PIK3CB: variants seen among roughly 807,000 people sequenced by gnomAD.
PIK3CB encodes the protein phosphatidylinositol 4,5-bisphosphate 3-kinase catalytic subunit beta isoform.
PIK3CB carries 39 observed loss-of-function variants against 136.8 expected under a neutral mutation model. The ratio of observed to expected loss-of-function variants is 0.29; its 90% CI spans 0.22 to 0.37. The LOEUF is 0.37. Ranked by LOEUF, PIK3CB falls within the 10% of genes least tolerant of loss-of-function variation. The probability of loss-of-function intolerance (pLI) is 1.00; values close to 1 mark genes in which losing one functional copy is unlikely to be tolerated. For synonymous variants in PIK3CB, 428 were observed against 436.6 expected, an observed-to-expected ratio of 0.98 and a Z score of 0.25; for missense variants, 868 against 1,275.4, an observed-to-expected ratio of 0.68 and a Z score of 4.87.
At chr3:138,656,863 C>G (rs2043200626) in intron 22 of PIK3CB, among the ~76,000 whole-genome samples, 1 of 152,102 alleles carries the variant, frequency 6.6e-6, no homozygotes, top group Admixed American at 6.6e-5. Flanking sequence ...TTCTGCCTCC[C>G]AGGTTCAAGC....
intron 8 of PIK3CB, among the ~76,000 whole-genome samples, chr3:138,723,174 A>G (rs1344674907): frequency 6.6e-6 from 1 of 152,204 alleles, no homozygotes; most frequent in African/African-American, 2.4e-5. Context: ...GAAATTTTAT[A>G]AAAATTGTCC....
chr3:138,785,519 C>T (rs1203463921), intron 2 of PIK3CB, among the ~76,000 whole-genome samples: 1 of 152,048 alleles, frequency 6.6e-6, no homozygotes, highest in African/African-American at 2.4e-5. Flanking sequence ...AACCTTACCC[C>T]CAACCCCATG....
At position 138,758,502 on chromosome 3, in the gene PIK3CB, A is replaced by G. The variant is rs570379241; in HGVS notation, c.171+671T>C. Among the ~76,000 whole-genome samples the G allele has an allele frequency of 2.0e-4, 31 of 152,352 alleles. 1 individual carries two copies. In the South Asian group the frequency reaches 6.4e-3, roughly 32 times the overall value. On this transcript the variant is annotated intron_variant, in intron 3 of 23. Transcript: ENST00000674063. ...TAGGTGCACCATGCATGAGCGTATG[A>G]GATGCTTAAGTCAATTCTGTATTTT...
At chr3:138,676,620 A>G (rs2043649617) in intron 19 of PIK3CB, among the ~76,000 whole-genome samples, 1 of 152,368 alleles carries the variant, frequency 6.6e-6, no homozygotes, top group African/African-American at 2.4e-5. Context: ...TAACTGATGT[A>G]TGGATAAATA....
At chr3:138,728,101 G>A (rs1315867593) in intron 8 of PIK3CB, among the ~76,000 whole-genome samples, 1 of 152,118 alleles carries the variant, frequency 6.6e-6, no homozygotes, top group Non-Finnish European at 1.5e-5. Flanking sequence ...CATGAGCCAC[G>A]ACTCCTGGCT....
chr3:138,825,631 G>A lies in PIK3CB; in HGVS notation c.-122+9064C>T, dbSNP rs573245856. 16 of 625,208 alleles carry A rather than the reference G, an allele frequency of 2.6e-5. No homozygotes were observed. The South Asian group carries it at 2.9e-4, about 12-fold the overall frequency. The allele number at this position is 625,208 out of a possible 1,614,324, so 38.7% of individuals were successfully genotyped here. ...CAATGCCAGGGGAACCATGCTACTC[G>A]AAGCTCTGGACTGCATCCTACCACT... On this transcript the variant is annotated intron_variant, in intron 1 of 23. Coordinates refer to ENST00000674063, the MANE Select transcript of PIK3CB (RefSeq NM_006219.3).
At chr3:138,712,583 T>C (rs116133393) in intron 9 of PIK3CB, among the ~76,000 whole-genome samples, 2,665 of 151,982 alleles carry the variant, frequency 0.018, 32 homozygotes, top group Middle Eastern at 0.034. Context: ...TTTTTTTTTT[T>C]TTTGAGATGG....
At chr3:138,675,347 TG>T (rs1315955355) in intron 19 of PIK3CB, among the ~76,000 whole-genome samples, 1 of 151,736 alleles carries the variant, frequency 6.6e-6, no homozygotes, top group Non-Finnish European at 1.5e-5. Flanking sequence ...AAGCAATAAA[TG>T]CATAATGGCG....
intron 21 of PIK3CB, among the ~76,000 whole-genome samples, chr3:138,663,113 T>A (rs1392193559): frequency 6.6e-6 from 1 of 151,782 alleles, no homozygotes; most frequent in Admixed American, 6.6e-5. Flanking sequence ...ACCATCAGAG[T>A]GAACAGGCAA....
At chr3:138,693,951 A>ATATATATATATATAT (rs201624363) in intron 14 of PIK3CB, among the ~76,000 whole-genome samples, 1 of 39,376 alleles carries the variant, frequency 2.5e-5, no homozygotes, top group Non-Finnish European at 4.0e-5. Context: ...ATATATATAT[A>ATATATATATATATAT]TATATATATA....
In PIK3CB at chr3:138,712,305, C is replaced by A. The variant is rs2108576564; in HGVS notation, c.1303-1G>T. Reference sequence around the variant, plus strand: ...TATTTACCCACGCTACAGGATAATGCTGTTGAAAAAGATACCATTGCATAA... The same window carrying A: ...TATTTACCCACGCTACAGGATAATGATGTTGAAAAAGATACCATTGCATAA... On this transcript the variant is annotated splice_acceptor_variant, in intron 9 of 23. Coordinates refer to ENST00000674063, the MANE Select transcript of PIK3CB (RefSeq NM_006219.3). LOFTEE classifies it high-confidence loss of function. The A allele has an allele frequency of 6.7e-7, 1 of 1,486,242 alleles. No individual in the cohort carries two copies. The highest frequency in any genetic ancestry group is 9.2e-7 in the Non-Finnish European group (1 of 1,091,568). 92.1% of individuals were successfully genotyped at this position (1,486,242 alleles called of 1,614,324 possible).
At position 138,742,927 on chromosome 3, in the gene PIK3CB, C is replaced by A. The variant is rs767202408; in HGVS notation, c.398-146G>T. 435 of 504,994 alleles carry A rather than the reference C, an allele frequency of 8.6e-4. 1 individual carries two copies. The highest frequency in any genetic ancestry group is 1.8e-3 in the Admixed American group (49 of 26,734). The allele number at this position is 504,994 out of a possible 1,614,324, so 31.3% of individuals were successfully genotyped here. A position where few individuals can be genotyped will look rare whatever the true frequency, so the allele number is the denominator to read the frequency against. ...GCAGATGAAACTAGGGAGGAAAATA[C>A]CATTAAAGATCAAAAAACCCAGATA... On this transcript the variant is annotated intron_variant, in intron 4 of 23. Transcript: ENST00000674063.
chr3:138,800,138 G>A (rs555694455), intron 1 of PIK3CB, among the ~76,000 whole-genome samples: 48 of 152,154 alleles, frequency 3.2e-4, no homozygotes, highest in African/African-American at 9.6e-4. Flanking sequence ...TAACATTTAC[G>A]TTTTAACTCC....
intron 2 of PIK3CB, among the ~76,000 whole-genome samples, chr3:138,785,070 C>T (rs1335821025): frequency 1.3e-5 from 2 of 152,116 alleles, no homozygotes; most frequent in Non-Finnish European, 2.9e-5. Flanking sequence ...AAGAGCATCT[C>T]TGCCCAGCAG....
intron 19 of PIK3CB, among the ~76,000 whole-genome samples, chr3:138,671,739 G>A (rs969169584): frequency 1.3e-5 from 2 of 152,252 alleles, no homozygotes; most frequent in Non-Finnish European, 2.9e-5. Context: ...GCGTAGAGGG[G>A]TGCCTCCTTG....
chr3:138,671,822 G>A (rs2043539036), intron 19 of PIK3CB, among the ~76,000 whole-genome samples: 1 of 152,254 alleles, frequency 6.6e-6, no homozygotes, highest in Non-Finnish European at 1.5e-5. Context: ...TCCTGCCTCT[G>A]CATTCTTTCC....
chr3:138,721,876 C>T (rs770500226), intron 8 of PIK3CB, among the ~76,000 whole-genome samples: 4 of 152,188 alleles, frequency 2.6e-5, no homozygotes, highest in Non-Finnish European at 5.9e-5. Flanking sequence ...ACATTACTCA[C>T]TGTGTCTCAT....
At chr3:138,740,646 A>G (rs1034698153) in intron 5 of PIK3CB, among the ~76,000 whole-genome samples, 2 of 151,950 alleles carry the variant, frequency 1.3e-5, no homozygotes, top group Admixed American at 6.6e-5. Context: ...CAATGACTTC[A>G]TGAAATATTG....
chr3:138,733,905 C>G (rs1332730486), intron 7 of PIK3CB, among the ~76,000 whole-genome samples: 1 of 151,932 alleles, frequency 6.6e-6, no homozygotes. Context: ...ATTAATTAAG[C>G]ATTATAACCC....
Sources: gnomAD v4.1 joint callset for allele counts (sites outside exome capture counted in the v4.1 genomes callset) on GRCh38, gnomAD v4.1.1 for gene constraint, MANE v1.5 for transcripts, NCBI Gene and HGNC (gene_info 2026-07-23, HGNC 2026-07-21) for gene names.